GPR161: variants seen among roughly 807,000 people sequenced by gnomAD.
GPR161 encodes the protein G-protein coupled receptor RE2.
A neutral mutation model predicts 39.2 loss-of-function variants in GPR161; 25 were observed. The ratio of observed to expected loss-of-function variants is 0.64; its 90% CI spans 0.47 to 0.89. GPR161 has a LOEUF of 0.89. Among genes scored for constraint, GPR161 ranks in the 40% least tolerant of loss-of-function variants. GPR161 has a pLI of 0.00. For missense variants in GPR161, 547 were observed against 677.8 expected (o/e 0.81, Z 2.14); for synonymous variants, 286 against 276.6 (o/e 1.03, Z -0.34).
chr1:168,087,129 C>T (rs1694588640), intron 5 of GPR161, among the ~76,000 whole-genome samples: 1 of 152,182 alleles, frequency 6.6e-6, no homozygotes, highest in Non-Finnish European at 1.5e-5. Flanking sequence ...TGCGGCAGAA[C>T]TCATTCTCCT....
chr1:168,091,296 G>A (rs1466183537), intron 3 of GPR161, among the ~76,000 whole-genome samples: 4 of 152,202 alleles, frequency 2.6e-5, no homozygotes, highest in Non-Finnish European at 5.9e-5. Context: ...GTTGGTAGGA[G>A]AGGAGAGAGA....
chr1:168,085,738 ACT>A lies in GPR161; in HGVS notation c.1381_1382del (p.Ser461LeufsTer10), dbSNP rs1694429377. 3.1e-6 allele frequency: 5 copies of A among 1,614,194 alleles called. No individual in the cohort carries two copies. The highest frequency in any genetic ancestry group is 4.2e-6 in the Non-Finnish European group (5 of 1,180,024). On this transcript the variant is annotated frameshift_variant, in exon 6 of 6. Coordinates refer to ENST00000682931, the MANE Select transcript of GPR161 (RefSeq NM_001375883.1). LOFTEE classifies it high-confidence loss of function. ...VKAEVHKSLD[S>X]YAASLAKAIE... ...TGGCTTTGGCCAAGCTTGCTGCGTA[ACT>A]GTCCAAGGACTTGTGTACTTCAGCT...
In GPR161 at chr1:168,098,253, C is replaced by T. The variant is rs1409498509; in HGVS notation, c.375-1021G>A. On this transcript the variant is annotated intron_variant, in intron 2 of 5. Coordinates refer to ENST00000682931, the MANE Select transcript of GPR161 (RefSeq NM_001375883.1). The surrounding 1 kb of genome is among the most constrained non-coding windows in gnomAD (Gnocchi z 4.1). ...GCTCCACCTGGCAGGAGAGAGAGTGCAGGATGGAGAGAGGAGGAGAGAAGG... is the reference window on the plus strand; with the variant it reads ...GCTCCACCTGGCAGGAGAGAGAGTGTAGGATGGAGAGAGGAGGAGAGAAGG... 6.6e-6 allele frequency among the ~76,000 whole-genome samples: 1 copy of T among 152,108 alleles called. No individual in the cohort carries two copies. Among genetic ancestry groups the T allele is most frequent in the Non-Finnish European group, 1.5e-5 (1 of 68,006 alleles).
chr1:168,124,860 T>G (rs1167700237), intron 1 of GPR161, among the ~76,000 whole-genome samples: 1 of 152,166 alleles, frequency 6.6e-6, no homozygotes, highest in Non-Finnish European at 1.5e-5. Context: ...CTCCCTCTCA[T>G]GCTGTGTGGC....
chr1:168,092,612 G>A (rs529266594), intron 3 of GPR161, among the ~76,000 whole-genome samples: 1 of 152,214 alleles, frequency 6.6e-6, no homozygotes, highest in Non-Finnish European at 1.5e-5. Flanking sequence ...AGAGGCATGC[G>A]GTGAGCAACA....
chr1:168,094,228 A>G (rs1012440946), intron 3 of GPR161, among the ~76,000 whole-genome samples: 1 of 151,622 alleles, frequency 6.6e-6, no homozygotes, highest in African/African-American at 2.4e-5. Context: ...TTCTGTCCTC[A>G]TTTTTTTTCC....
At chr1:168,106,140 T>C (rs1470842337) in intron 1 of GPR161, among the ~76,000 whole-genome samples, 1 of 152,226 alleles carries the variant, frequency 6.6e-6, no homozygotes, top group Admixed American at 6.5e-5. Context: ...TTCCCTGCTT[T>C]GTATTTGCTC....
At chr1:168,131,230 C>T (rs944810226) in intron 1 of GPR161, among the ~76,000 whole-genome samples, 2 of 152,002 alleles carry the variant, frequency 1.3e-5, no homozygotes, top group African/African-American at 4.8e-5. Context: ...CCTTACCCCC[C>T]ACACCAATCT....
intron 1 of GPR161, among the ~76,000 whole-genome samples, chr1:168,125,051 C>T (rs995634098): frequency 1.3e-5 from 2 of 152,374 alleles, no homozygotes; most frequent in African/African-American, 4.8e-5. Flanking sequence ...TCTCCTCTTA[C>T]ATCAAATGTG....
At chr1:168,122,346 C>T (rs1698242448) in intron 1 of GPR161, among the ~76,000 whole-genome samples, 1 of 152,178 alleles carries the variant, frequency 6.6e-6, no homozygotes, top group Admixed American at 6.5e-5. Context: ...CTGCTACCAC[C>T]ACTCTGGTCC....
rs141468670 is a variant in GPR161 at position 168,132,358 on chromosome 1, C to A, written c.-45+4381G>T. On this transcript the variant is annotated intron_variant, in intron 1 of 5. Coordinates refer to ENST00000682931, the MANE Select transcript of GPR161 (RefSeq NM_001375883.1). ...ATCCCAGCACTTTGGGAGGTCGAGG[C>A]GGGCGGATCACGAGGTCAGGAGATT... 6.3e-4 allele frequency among the ~76,000 whole-genome samples: 95 copies of A among 151,840 alleles called. 1 individual carries two copies. In the East Asian group the frequency reaches 0.014, roughly 23 times the overall value.
At chr1:168,106,308 G>T (rs1572313044) in intron 1 of GPR161, among the ~76,000 whole-genome samples, 1 of 152,174 alleles carries the variant, frequency 6.6e-6, no homozygotes, top group East Asian at 1.9e-4. Context: ...CTGGAGGCAG[G>T]GCGCAGAGTG....
intron 1 of GPR161, among the ~76,000 whole-genome samples, chr1:168,112,623 G>A (rs1027644951): frequency 6.6e-6 from 1 of 151,952 alleles, no homozygotes; most frequent in African/African-American, 2.4e-5. Flanking sequence ...TTTGTGGGCC[G>A]AGGTGGGCGG....
In GPR161 at chr1:168,102,955, C is replaced by T. The variant is rs1466540625; in HGVS notation, c.374+1522G>A. On this transcript the variant is annotated intron_variant, in intron 2 of 5. Transcript: ENST00000682931. ...TCAGTCCTGATAGGCTATTGACAAACAGCTGCTGAAATACAAATTTGTACA... is the reference window on the plus strand; with the variant it reads ...TCAGTCCTGATAGGCTATTGACAAATAGCTGCTGAAATACAAATTTGTACA... Among the ~76,000 whole-genome samples, 3 of 151,650 alleles carry T rather than the reference C, an allele frequency of 2.0e-5. No individual in the cohort carries two copies. The East Asian group carries it at 5.8e-4, about 29-fold the overall frequency.
chr1:168,130,439 C>A lies in GPR161; in HGVS notation c.-45+6300G>T, dbSNP rs184801819. ...AGCTGCTGGGGATCACCACACAGAA[C>A]CTTAGCATGAAGAAAGGTCAAAACC... On this transcript the variant is annotated intron_variant, in intron 1 of 5. Transcript: ENST00000682931. 9.9e-4 allele frequency among the ~76,000 whole-genome samples: 151 copies of A among 152,328 alleles called. 1 individual carries two copies. In the South Asian group the frequency reaches 0.018, roughly 18 times the overall value.
At chr1:168,118,881 A>G (rs1697858055) in intron 1 of GPR161, 1 of 152,214 alleles carries the variant, frequency 6.6e-6, no homozygotes, top group Admixed American at 6.5e-5. Context: ...AATGCAAATC[A>G]AAACCACACT....
At chr1:168,121,904 C>T (rs1158308159) in intron 1 of GPR161, among the ~76,000 whole-genome samples, 3 of 152,208 alleles carry the variant, frequency 2.0e-5, no homozygotes, top group Non-Finnish European at 4.4e-5. Flanking sequence ...CAGCAAATCC[C>T]TAAGGTGAAG....
intron 1 of GPR161, among the ~76,000 whole-genome samples, chr1:168,109,722 T>A (rs534553248): frequency 9.8e-5 from 15 of 152,342 alleles, no homozygotes; most frequent in African/African-American, 3.6e-4. Flanking sequence ...ATCCCAGCAC[T>A]TTGGGAGGCC....
intron 3 of GPR161, 94 bp downstream of exon 3, chr1:168,096,414 G>T: frequency 7.8e-7 from 1 of 1,275,412 alleles, no homozygotes; most frequent in Non-Finnish European, 1.1e-6. Context: ...CCGCCAGTCA[G>T]CCTGAGAACT....
Sources: gnomAD v4.1 joint callset for allele counts (sites outside exome capture counted in the v4.1 genomes callset) on GRCh38, gnomAD v4.1.1 for gene constraint, Gnocchi (gnomAD v3.1) non-coding constraint, MANE v1.5 for transcripts, NCBI Gene and HGNC (gene_info 2026-07-23, HGNC 2026-07-21) for gene names.